Variants in AHNAK observed in about 807,000 individuals in gnomAD.
The protein encoded by AHNAK is AHNAK nucleoprotein.
A neutral mutation model predicts 37.8 loss-of-function variants in AHNAK; 23 were observed. The ratio of observed to expected loss-of-function variants is 0.61; its 90% CI spans 0.44 to 0.86. The LOEUF (loss-of-function observed/expected upper bound fraction) is 0.86, where lower values mean the gene tolerates loss of function less well. AHNAK is among the 40% of genes least tolerant of loss of function. The pLI, the probability that AHNAK is intolerant of heterozygous loss-of-function variation, is 0.00. For synonymous variants in AHNAK, 2,481 were observed against 2,636.3 expected, an observed-to-expected ratio of 0.94 and a Z score of 1.80; for missense variants, 7,411 against 7,319.4, an observed-to-expected ratio of 1.01 and a Z score of -0.46.
chr11:62,530,602 C>T lies in AHNAK; in HGVS notation c.3815G>A (p.Arg1272Gln), dbSNP rs115325511. 48 of 1,598,534 alleles carry T rather than the reference C, an allele frequency of 3.0e-5. No individual in the cohort carries two copies. The African/African-American group carries it at 3.9e-4, about 13-fold the overall frequency. Residue 1272 changes from arginine to glutamine, a missense_variant, in exon 5 of 5, where the codon CGA becomes CAA. Arg to Gln is a conservative substitution (Grantham distance 43). Transcript: ENST00000378024. ...CTTGGGCAGGTTCACATCCACTTCT[C>T]GGCCCTCTCCTTTGAAGCCAGGCAT... ...FSMPGFKGEG[R>Q]EVDVNLPKAD... is the part of the protein sequence containing the mutation.
Position 62,520,454 on chromosome 11 carries a change from C to G in AHNAK, c.13963G>C (p.Val4655Leu). 6.2e-7 allele frequency: 1 copy of G among 1,614,132 alleles called. No homozygotes were observed. Among genetic ancestry groups the G allele is most frequent in the Non-Finnish European group, 8.5e-7 (1 of 1,180,032 alleles). The change falls in exon 5 of 5, where the codon GTG (valine) becomes CTG (leucine). Residue 4655 changes from valine (V) to leucine (L), a missense_variant. Physicochemically the swap from Val to Leu is conservative, Grantham distance 32. Transcript: ENST00000378024. ...GPDWHLKMPK[V>L]KMPKFSMPGF... The stretch of plus-strand genomic sequence containing the variant: ...GGCATGCTGAACTTGGGCATTTTCA[C>G]TTTGGGCATTTTTAGGTGCCAGTCT...
Position 62,525,672 on chromosome 11 carries a change from A to T in AHNAK, c.8745T>A (p.Asp2915Glu). ...CAACGTCAGCCTTGGGCAGGTTCAC[A>T]TCCACTTCAGGGCCCTCTGCTTTGA... is the stretch of plus-strand genomic sequence containing the variant. ...PGFKAEGPEV[D>E]VNLPKADVDV... Residue 2915 changes from aspartate (D) to glutamate (E), a missense_variant, in exon 5 of 5, where the codon GAT becomes GAA. Physicochemically the swap from Asp to Glu is conservative, Grantham distance 45. Coordinates refer to ENST00000378024, the MANE Select transcript of AHNAK (RefSeq NM_001620.3). 1 of 1,609,628 alleles carries T rather than the reference A, an allele frequency of 6.2e-7. No homozygotes were observed. The highest frequency in any genetic ancestry group is 8.5e-7 in the Non-Finnish European group (1 of 1,178,588).
intron 5 of AHNAK, among the ~76,000 whole-genome samples, chr11:62,472,867 G>A (rs911911189): frequency 2.7e-5 from 4 of 150,534 alleles, no homozygotes; most frequent in Non-Finnish European, 5.9e-5. Flanking sequence ...CGGGTGGATC[G>A]CTTGAGGTCA....
chr11:62,434,025 T>A, intron 5 of AHNAK: 3 of 1,135,704 alleles, frequency 2.6e-6, no homozygotes, highest in Non-Finnish European at 3.8e-6. Context: ...TCCAAACAAA[T>A]GCTTGCCTCT....
intron 4 of AHNAK, among the ~76,000 whole-genome samples, chr11:62,509,038 C>T (rs1939862492): frequency 6.6e-6 from 1 of 152,202 alleles, no homozygotes; most frequent in African/African-American, 2.4e-5. Context: ...TCCTACTTAA[C>T]CAAGGAATTG....
Position 62,477,137 on chromosome 11 carries a change from G to C in AHNAK, c.442+14595C>G, listed in dbSNP as rs111235871. On this transcript the variant is annotated intron_variant, in intron 5 of 5. Coordinates refer to the AHNAK transcript ENST00000257247. ...CTCGACAACTTTTTGCAGGGAAAAC[G>C]CTTCCACAACCAGCAGGATGCAGAA... Among the ~76,000 whole-genome samples the C allele has an allele frequency of 3.9e-3, 595 of 152,200 alleles. 3 individuals carry two copies. The highest frequency in any genetic ancestry group is 5.6e-3 in the Non-Finnish European group (383 of 68,004).
intron 5 of AHNAK, among the ~76,000 whole-genome samples, chr11:62,444,736 CCT>C (rs1356737826): frequency 6.6e-6 from 1 of 152,190 alleles, no homozygotes; most frequent in East Asian, 1.9e-4. Flanking sequence ...CAGCTGATTA[CCT>C]GATTTCATCT....
chr11:62,505,919 G>T (rs7125056), intron 4 of AHNAK, among the ~76,000 whole-genome samples: 1 of 151,104 alleles, frequency 6.6e-6, no homozygotes, highest in African/African-American at 2.4e-5. Context: ...CGGGTGCGGT[G>T]GCTCATGTCT....
intron 5 of AHNAK, among the ~76,000 whole-genome samples, chr11:62,482,657 G>C (rs1489758134): frequency 6.6e-6 from 1 of 151,974 alleles, no homozygotes; most frequent in African/African-American, 2.4e-5. Context: ...CACCTCAGAG[G>C]GTGAGTGCTT....
Position 62,529,071 on chromosome 11 carries a change from G to A in AHNAK, c.5346C>T (p.Ser1782=), listed in dbSNP as rs1940623665. The change falls in exon 5 of 5, where the codon TCC becomes TCT. Residue 1782 remains serine (S), a synonymous_variant. Transcript: ENST00000378024. ...PKLNIKAPKV[S]MPDVDLNLKG... Reference sequence around the variant, plus strand: ...TCAAATTCAAGTCCACATCTGGCATGGAGACCTTGGGAGCTTTTATATTCA... The same window carrying A: ...TCAAATTCAAGTCCACATCTGGCATAGAGACCTTGGGAGCTTTTATATTCA... 1 of 1,614,194 alleles carries A rather than the reference G, an allele frequency of 6.2e-7. No homozygotes were observed. The highest frequency in any genetic ancestry group is 2.2e-5 in the East Asian group (1 of 44,888).
At chr11:62,543,963 G>C (rs555761916) in intron 1 of AHNAK, among the ~76,000 whole-genome samples, 29 of 152,204 alleles carry the variant, frequency 1.9e-4, no homozygotes, top group Non-Finnish European at 2.4e-4. Flanking sequence ...TAGCTCTCCC[G>C]GTCTGTCTCT....
intron 4 of AHNAK, among the ~76,000 whole-genome samples, chr11:62,496,946 C>T (rs1438375673): frequency 6.6e-6 from 1 of 152,006 alleles, no homozygotes; most frequent in Non-Finnish European, 1.5e-5. Context: ...GAGCAAATGA[C>T]ATTAAGGTGT....
At position 62,517,536 on chromosome 11, in the gene AHNAK, A is replaced by G. The variant is rs1555029878; in HGVS notation, c.16881T>C (p.Gly5627=). The G allele has an allele frequency of 1.2e-6, 2 of 1,613,858 alleles. No homozygotes were observed. Among genetic ancestry groups the G allele is most frequent in the Admixed American group, 3.3e-5 (2 of 59,978 alleles). The change falls in exon 5 of 5, where the codon GGT becomes GGC. Residue 5627 remains glycine (G), a synonymous_variant. Coordinates refer to ENST00000378024, the MANE Select transcript of AHNAK (RefSeq NM_001620.3). ...LHFSGPKVEG[G]VKGGQIGLQA... ...GGAGTCCAATCTGACCTCCTTTCAC[A>G]CCTCCTTCCACCTTTGGTCCTGAGA...
chr11:62,460,969 T>C (rs1238651439), intron 5 of AHNAK, among the ~76,000 whole-genome samples: 1 of 149,200 alleles, frequency 6.7e-6, no homozygotes, highest in African/African-American at 2.5e-5. Context: ...TACAGGCGCC[T>C]GCCACCAGGC....
rs1024924681 is a variant in AHNAK, at chr11:62,545,221, C to T, written c.-100+1439G>A. Among the ~76,000 whole-genome samples, 5 of 152,230 alleles carry T rather than the reference C, an allele frequency of 3.3e-5. No individual in the cohort carries two copies. In the East Asian group the frequency reaches 9.6e-4, roughly 29 times the overall value. The stretch of plus-strand genomic sequence containing the variant: ...CACGGTCGCCGCGGCGGGAGCCACA[C>T]CCTGCGAAACCGGCAAGCACACACA... On this transcript the variant is annotated intron_variant, in intron 1 of 4. Transcript: ENST00000378024.
Position 62,518,139 on chromosome 11 carries a change from C to A in AHNAK, c.16278G>T (p.Gly5426=). The A allele has an allele frequency of 1.9e-6, 3 of 1,614,180 alleles. No homozygotes were observed. The highest frequency in any genetic ancestry group is 2.5e-6 in the Non-Finnish European group (3 of 1,180,006). The part of the protein sequence containing the change: ...PGSDLHVNAK[G]PQVSGELKGP... Reference sequence around the variant, plus strand: ...CCTTCAGTTCGCCAGAAACCTGTGGCCCCTTGGCATTGACGTGCAAGTCGG... The same window carrying A: ...CCTTCAGTTCGCCAGAAACCTGTGGACCCTTGGCATTGACGTGCAAGTCGG... The change falls in exon 5 of 5, where the codon GGG becomes GGT. Residue 5426 remains glycine, a synonymous_variant. Transcript: ENST00000378024.
At chr11:62,509,704 G>A (rs1387508859) in intron 4 of AHNAK, among the ~76,000 whole-genome samples, 2 of 152,208 alleles carry the variant, frequency 1.3e-5, no homozygotes, top group East Asian at 3.9e-4. Context: ...GTCCCTTGAG[G>A]CCAGGAGCTC....
At chr11:62,464,721 T>C (rs112559424) in intron 5 of AHNAK, among the ~76,000 whole-genome samples, 4,314 of 151,612 alleles carry the variant, frequency 0.028, 96 homozygotes, top group Non-Finnish European at 0.044. Context: ...GTCCCAGCTA[T>C]TTGAGAGGCT....
In AHNAK at chr11:62,536,039, G is replaced by A. The variant is rs767709847; in HGVS notation, c.60C>T (p.Ser20=). The A allele has an allele frequency of 1.1e-5, 18 of 1,611,846 alleles. No homozygotes were observed. Among genetic ancestry groups the A allele is most frequent in the Non-Finnish European group, 1.4e-5 (17 of 1,178,858 alleles). ...CCCTCTGGGCGATGGTCAGCCCGTG[G>A]GAGCCACTACCCTGCCAGTTGGGCA... is the stretch of plus-strand genomic sequence containing the variant. ...LLLPNWQGSG[S]HGLTIAQRDD... is the part of the protein sequence containing the mutation. Residue 20 remains serine (S), a synonymous_variant, in exon 3 of 5, where the codon TCC becomes TCT. Coordinates refer to ENST00000378024, the MANE Select transcript of AHNAK (RefSeq NM_001620.3).
Sources: gnomAD v4.1 joint callset for allele counts (sites outside exome capture counted in the v4.1 genomes callset) on GRCh38, gnomAD v4.1.1 for gene constraint, MANE v1.5 for transcripts, NCBI Gene and HGNC (gene_info 2026-07-23, HGNC 2026-07-21) for gene names.